The following SLC13A1 variants were observed in gnomAD, a reference collection of about 807,000 sequenced individuals.
SLC13A1 encodes the protein solute carrier family 13 member 1, also known as Na(+)/sulfate cotransporter.
A neutral mutation model predicts 70.0 loss-of-function variants in SLC13A1; 65 were observed. The observed-to-expected ratio is 0.93, with a 90% CI of 0.76 to 1.14. The LOEUF is 1.14. Among genes scored for constraint, SLC13A1 ranks in the 50% most tolerant of loss-of-function variants. The pLI is 0.00. For missense variants in SLC13A1, 726 were observed against 717.8 expected (o/e 1.01, Z -0.13); for synonymous variants, 275 against 250.5 (o/e 1.10, Z -0.92).
intron 7 of SLC13A1, among the ~76,000 whole-genome samples, chr7:123,138,683 C>CCTTTTCATA (rs1794034276): frequency 6.6e-6 from 1 of 151,922 alleles, no homozygotes; most frequent in Non-Finnish European, 1.5e-5. Flanking sequence ...ATGTTGCATG[C>CCTTTTCATA]TTTTTCATAT....
chr7:123,129,907 C>A (rs1793698078), intron 8 of SLC13A1, among the ~76,000 whole-genome samples: 1 of 152,102 alleles, frequency 6.6e-6, no homozygotes, highest in African/African-American at 2.4e-5. Flanking sequence ...TAAGTTTTAG[C>A]CCACTAGTTA....
chr7:123,162,748 C>T (rs962335388), intron 6 of SLC13A1, among the ~76,000 whole-genome samples: 1 of 152,010 alleles, frequency 6.6e-6, no homozygotes, highest in African/African-American at 2.4e-5. Flanking sequence ...TATTACTGTA[C>T]TTACAAGACT....
At chr7:123,157,553 C>T (rs762027804) in intron 6 of SLC13A1, among the ~76,000 whole-genome samples, 4 of 151,944 alleles carry the variant, frequency 2.6e-5, no homozygotes, top group Non-Finnish European at 5.9e-5. Flanking sequence ...TTCCCTTATA[C>T]TTTCTTAGGA....
At chr7:123,161,081 A>G (rs1794877932) in intron 6 of SLC13A1, among the ~76,000 whole-genome samples, 1 of 151,808 alleles carries the variant, frequency 6.6e-6, no homozygotes, top group South Asian at 2.1e-4. Flanking sequence ...TGAAATATAC[A>G]TTAAATAGAG....
intron 2 of SLC13A1, among the ~76,000 whole-genome samples, chr7:123,180,737 G>A (rs1795609224): frequency 6.6e-6 from 1 of 152,086 alleles, no homozygotes. Context: ...AGTGAGAGAA[G>A]AGGGGACATA....
intron 8 of SLC13A1, among the ~76,000 whole-genome samples, chr7:123,131,239 G>A (rs761846001): frequency 6.6e-6 from 1 of 151,988 alleles, no homozygotes; most frequent in Admixed American, 6.6e-5. Flanking sequence ...ACTGACTAGT[G>A]CCAGTCTCAA....
intron 10 of SLC13A1, among the ~76,000 whole-genome samples, chr7:123,126,437 A>G (rs1793562972): frequency 6.6e-6 from 1 of 152,180 alleles, no homozygotes; most frequent in South Asian, 2.1e-4. Context: ...GAGACCAGAT[A>G]TAACTGAAAT....
chr7:123,159,933 A>T (rs755659550), intron 6 of SLC13A1, among the ~76,000 whole-genome samples: 5 of 152,060 alleles, frequency 3.3e-5, no homozygotes, highest in Non-Finnish European at 5.9e-5. Context: ...CCAGCTTTAT[A>T]AAAGCTGGTA....
Position 123,171,903 on chromosome 7 carries a change from A to AC in SLC13A1, c.229dup (p.Val77GlyfsTer108). On this transcript the variant is annotated frameshift_variant and splice_region_variant, in exon 3 of 15. Transcript: ENST00000194130. LOFTEE classifies it high-confidence loss of function. ...AAAATCCTTGAAATAAGCAGATGCCACCTGAAATAACAATTAAACCCGTGA... is the reference window on the plus strand; with the variant it reads ...AAAATCCTTGAAATAAGCAGATGCCACCCTGAAATAACAATTAAACCCGTGA... 1 of 1,611,658 alleles carries AC rather than the reference A, an allele frequency of 6.2e-7. No individual in the cohort carries two copies. Among genetic ancestry groups the AC allele is most frequent in the Non-Finnish European group, 8.5e-7 (1 of 1,178,962 alleles).
intron 2 of SLC13A1, among the ~76,000 whole-genome samples, chr7:123,174,137 G>T (rs777947184): frequency 6.6e-6 from 1 of 151,936 alleles, no homozygotes; most frequent in Non-Finnish European, 1.5e-5. Context: ...GACTGAATTT[G>T]AAAGATTCAA....
intron 6 of SLC13A1, among the ~76,000 whole-genome samples, chr7:123,149,951 G>T (rs1253550825): frequency 6.6e-6 from 1 of 151,992 alleles, no homozygotes; most frequent in Non-Finnish European, 1.5e-5. Flanking sequence ...TTTCTTGAAT[G>T]GTAGTTCTTT....
At chr7:123,174,834 C>T (rs1213504420) in intron 2 of SLC13A1, among the ~76,000 whole-genome samples, 1 of 151,948 alleles carries the variant, frequency 6.6e-6, no homozygotes, top group Admixed American at 6.6e-5. Context: ...TCCCCAAACA[C>T]AGAAGTGCTT....
At chr7:123,176,095 A>C (rs1795437911) in intron 2 of SLC13A1, among the ~76,000 whole-genome samples, 1 of 152,244 alleles carries the variant, frequency 6.6e-6, no homozygotes. Context: ...CAGCAGGCTG[A>C]TTTGGCCTTC....
Position 123,171,903 on chromosome 7 carries a change from A to G in SLC13A1, c.230T>C (p.Val77Ala). 1.2e-6 allele frequency: 2 copies of G among 1,611,658 alleles called. No homozygotes were observed. The highest frequency in any genetic ancestry group is 1.7e-6 in the Non-Finnish European group (2 of 1,178,962). ...AAAATCCTTGAAATAAGCAGATGCC[A>G]CCTGAAATAACAATTAAACCCGTGA... The part of the protein sequence containing the change: ...PMFGIMPSKK[V>A]ASAYFKDFHL... The change falls in exon 3 of 15, where the codon GTG (valine) becomes GCG (alanine). Residue 77 changes from valine to alanine, a missense_variant and splice_region_variant. By Grantham distance (64) the Val-to-Ala change is moderately conservative. Transcript: ENST00000194130.
In SLC13A1 at chr7:123,169,272, C is replaced by T. The variant is rs776499156; in HGVS notation, c.429G>A (p.Thr143=). ...CCGCAATGGGCATCACCATGGCAGCCGTCGAGGTGTTGCTGAGCCACATAG... is the reference window on the plus strand; with the variant it reads ...CCGCAATGGGCATCACCATGGCAGCTGTCGAGGTGTTGCTGAGCCACATAG... The part of the protein sequence containing the change: ...FLSMWLSNTS[T]AAMVMPIAEA... Residue 143 remains threonine (T), a synonymous_variant, in exon 4 of 15, where the codon ACG becomes ACA. Coordinates refer to ENST00000194130, the MANE Select transcript of SLC13A1 (RefSeq NM_022444.4). The T allele has an allele frequency of 7.9e-5, 128 of 1,613,768 alleles. No homozygotes were observed. The highest frequency in any genetic ancestry group is 9.9e-5 in the Non-Finnish European group (117 of 1,179,986).
chr7:123,120,606 G>A (rs1428068556), intron 12 of SLC13A1, among the ~76,000 whole-genome samples: 2 of 151,966 alleles, frequency 1.3e-5, no homozygotes, highest in African/African-American at 4.8e-5. Flanking sequence ...AACTAGAAGT[G>A]GCATGAGAAA....
intron 7 of SLC13A1, among the ~76,000 whole-genome samples, chr7:123,138,799 T>C (rs1431000994): frequency 6.6e-6 from 1 of 152,196 alleles, no homozygotes; most frequent in Non-Finnish European, 1.5e-5. Context: ...AAGCTCCTTA[T>C]ATATTTTGGT....
At chr7:123,191,291 G>A (rs1326289210) in intron 1 of SLC13A1, among the ~76,000 whole-genome samples, 1 of 152,136 alleles carries the variant, frequency 6.6e-6, no homozygotes, top group African/African-American at 2.4e-5. Flanking sequence ...AGCCATCATA[G>A]CCAGCGATCA....
At chr7:123,164,251 T>A (rs1795003408) in intron 6 of SLC13A1, among the ~76,000 whole-genome samples, 1 of 151,984 alleles carries the variant, frequency 6.6e-6, no homozygotes, top group African/African-American at 2.4e-5. Context: ...AAATACAGAA[T>A]TTATTTGGGG....
Sources: allele counts gnomAD v4.1 joint callset (sites outside exome capture counted in the v4.1 genomes callset), GRCh38; gene constraint gnomAD v4.1.1; transcripts MANE v1.5; gene names NCBI Gene and HGNC (gene_info 2026-07-23, HGNC 2026-07-21).